Variants in PRDM1 observed in about 807,000 individuals in gnomAD.
PRDM1 encodes the protein PR/SET domain 1, also known as PR domain zinc finger protein 1.
A neutral mutation model predicts 62.8 loss-of-function variants in PRDM1; 13 were observed. The observed-to-expected ratio is 0.21, with a 90% CI of 0.13 to 0.33. PRDM1 has a LOEUF of 0.33. Among genes scored for constraint, PRDM1 ranks in the 10% least tolerant of loss-of-function variants. The probability of loss-of-function intolerance (pLI) is 1.00; values close to 1 mark genes in which losing one functional copy is unlikely to be tolerated. For missense variants in PRDM1, 895 were observed against 1,058.8 expected, an observed-to-expected ratio of 0.85 and a Z score of 2.15; for synonymous variants, 396 against 417.6, an observed-to-expected ratio of 0.95 and a Z score of 0.63.
intron 1 of PRDM1, 132 bp downstream of exon 1, chr6:106,086,727 A>T (rs1159205755): frequency 1.3e-6 from 1 of 751,040 alleles, no homozygotes; most frequent in African/African-American, 1.8e-5. Context: ...GCTTTAGTGC[A>T]CTTAGTGCTG....
chr6:106,049,370 T>C (rs1464411441), intron 1 of PRDM1, among the ~76,000 whole-genome samples: 2 of 152,356 alleles, frequency 1.3e-5, no homozygotes, highest in Admixed American at 6.5e-5. Context: ...TTTATGTCTA[T>C]ATGAATGTGC....
At chr6:106,011,495 G>A (rs995093236) in intron 1 of PRDM1, among the ~76,000 whole-genome samples, 1 of 152,194 alleles carries the variant, frequency 6.6e-6, no homozygotes, top group Non-Finnish European at 1.5e-5. Context: ...GGTGGAAGCA[G>A]GAAGAGTATG....
At chr6:106,047,500 A>G (rs922916494), upstream of PRDM1, among the ~76,000 whole-genome samples, 1 of 152,230 alleles carries the variant, frequency 6.6e-6, no homozygotes, top group South Asian at 2.1e-4. Flanking sequence ...TGTATGGTTT[A>G]GCTAATAACA....
intron 1 of PRDM1, among the ~76,000 whole-genome samples, chr6:106,005,280 C>T (rs1055480022): frequency 1.3e-5 from 2 of 152,226 alleles, no homozygotes; most frequent in Non-Finnish European, 2.9e-5. Context: ...TGGATATGCA[C>T]ATGACTTCTT....
At chr6:106,066,324 A>C (rs920168272) in intron 1 of PRDM1, among the ~76,000 whole-genome samples, 9 of 152,188 alleles carry the variant, frequency 5.9e-5, no homozygotes, top group African/African-American at 2.2e-4. Flanking sequence ...GATCATGTTT[A>C]AATGGAAGCG....
intron 1 of PRDM1, among the ~76,000 whole-genome samples, chr6:106,013,452 C>T (rs749668281): frequency 9.9e-5 from 15 of 151,774 alleles, no homozygotes; most frequent in Admixed American, 2.6e-4. Flanking sequence ...CTCAGCCTCC[C>T]GAGTAGCTCG....
intron 1 of PRDM1, among the ~76,000 whole-genome samples, chr6:106,053,472 C>A (rs4276538): frequency 0.89 from 135,407 of 152,106 alleles, 60,324 homozygotes; most frequent in South Asian, 0.94. Context: ...CAGTTGAGAC[C>A]CCAATTTAGA....
intron 1 of PRDM1, among the ~76,000 whole-genome samples, chr6:106,034,947 CT>C (rs1448054638): frequency 6.6e-6 from 1 of 152,122 alleles, no homozygotes; most frequent in Non-Finnish European, 1.5e-5. Flanking sequence ...ACACTAAAGT[CT>C]TTTTAAGTCT....
At chr6:106,071,198 G>A (rs1443336314) in intron 1 of PRDM1, among the ~76,000 whole-genome samples, 1 of 152,060 alleles carries the variant, frequency 6.6e-6, no homozygotes, top group Non-Finnish European at 1.5e-5. Flanking sequence ...GCTTGAACCT[G>A]AGAAGGGGAG....
chr6:106,053,485 T>A (rs1220658287), intron 1 of PRDM1, among the ~76,000 whole-genome samples: 1 of 152,172 alleles, frequency 6.6e-6, no homozygotes, highest in African/African-American at 2.4e-5. Flanking sequence ...AATTTAGAAA[T>A]ACATAAGTAT....
chr6:106,026,808 G>C lies in PRDM1; in HGVS notation c.-67+33169G>C, dbSNP rs1746922513. Among the ~76,000 whole-genome samples, 5 of 152,316 alleles carry C rather than the reference G, an allele frequency of 3.3e-5. No individual in the cohort carries two copies. In the South Asian group the frequency reaches 1.0e-3, roughly 32 times the overall value. Reference sequence around the variant, plus strand: ...ATAAGAATGAATGCAGATCAACATGGTCATGGATGAGAAGAAGCAAGCAAA... The same window carrying C: ...ATAAGAATGAATGCAGATCAACATGCTCATGGATGAGAAGAAGCAAGCAAA... On this transcript the variant is annotated intron_variant, in intron 1 of 6. Transcript: ENST00000652320.
chr6:106,088,272 A>C lies in PRDM1; in HGVS notation c.114A>C (p.Lys38Asn), dbSNP rs1457388607. The part of the protein sequence containing the change: ...GLAEGTKGTM[K>N]MDMEDADMTL... The stretch of plus-strand genomic sequence containing the variant: ...CAGAGGGGACCAAGGGGACCATGAA[A>C]ATGGACATGGAGGATGCGGATATGA... The change falls in exon 2 of 7, where the codon AAA becomes AAC. Residue 38 changes from lysine to asparagine, a missense_variant. By Grantham distance (94) the Lys-to-Asn change is moderately conservative. This residue lies in a region of PRDM1 where 213 missense variants were observed against 283.9 expected (regional missense o/e 0.75). Transcript: ENST00000369096. The C allele has an allele frequency of 5.6e-6, 9 of 1,613,986 alleles. No individual in the cohort carries two copies. The East Asian group carries it at 2.0e-4, about 36-fold the overall frequency.
rs9486264 is a variant in PRDM1 at position 106,018,170 on chromosome 6, A to T, written c.-67+24531A>T. ...GGCTATTTCCTCAACAGAATACTTT[A>T]AAAAAAAAATAAAGCTAGAATCAAA... is the stretch of plus-strand genomic sequence containing the variant. On this transcript the variant is annotated intron_variant, in intron 1 of 6. Transcript: ENST00000652320. Among the ~76,000 whole-genome samples, 1,127 of 150,292 alleles carry T rather than the reference A, an allele frequency of 7.5e-3. 10 individuals carry two copies. Among genetic ancestry groups the T allele is most frequent in the African/African-American group, 0.026 (1,070 of 41,036 alleles).
chr6:106,008,797 G>A (rs950150183), intron 1 of PRDM1, among the ~76,000 whole-genome samples: 2 of 152,132 alleles, frequency 1.3e-5, no homozygotes, highest in African/African-American at 4.8e-5. Flanking sequence ...TAGATGCTTG[G>A]TTACTGGCCA....
chr6:106,071,171 G>T (rs1459159037), intron 1 of PRDM1, among the ~76,000 whole-genome samples: 2 of 152,050 alleles, frequency 1.3e-5, no homozygotes, highest in Non-Finnish European at 2.9e-5. Context: ...ACTTGTGGGG[G>T]CTGAGGCAGG....
In PRDM1 at chr6:106,025,040, G is replaced by GAA. The variant is rs138388470; in HGVS notation, c.-67+31409_-67+31410dup. ...GGTAGAACTTCTTTGATCTCGTTAA[G>GAA]AAAAAAAAATGTAAAATTAATGGTT... On this transcript the variant is annotated intron_variant, in intron 1 of 6. Coordinates refer to the PRDM1 transcript ENST00000652320. Among the ~76,000 whole-genome samples the GAA allele has an allele frequency of 2.5e-4, 37 of 150,822 alleles. 1 individual carries two copies. In the South Asian group the frequency reaches 6.9e-3, roughly 28 times the overall value.
At chr6:106,071,979 C>T (rs1773527638) in intron 1 of PRDM1, 1 of 152,202 alleles carries the variant, frequency 6.6e-6, no homozygotes, top group Non-Finnish European at 1.5e-5. Flanking sequence ...ATTTGAGATG[C>T]AACTTGGACA....
At chr6:106,076,132 G>A (rs943284841) in intron 1 of PRDM1, among the ~76,000 whole-genome samples, 8 of 151,698 alleles carry the variant, frequency 5.3e-5, no homozygotes, top group African/African-American at 1.9e-4. Flanking sequence ...TTATATTTTT[G>A]TAGAGATGGG....
At chr6:106,015,463 C>T (rs967569679) in intron 1 of PRDM1, among the ~76,000 whole-genome samples, 2 of 152,062 alleles carry the variant, frequency 1.3e-5, no homozygotes, top group Non-Finnish European at 2.9e-5. Context: ...AGGCAAGGTG[C>T]TAAACAATGA....
Sources: gnomAD v4.1 joint callset for allele counts (sites outside exome capture counted in the v4.1 genomes callset) on GRCh38, gnomAD v4.1.1 for gene constraint, gnomAD v4.1.1 regional missense constraint, MANE v1.5 for transcripts, NCBI Gene and HGNC (gene_info 2026-07-23, HGNC 2026-07-21) for gene names.